Variants in NBEA observed in about 807,000 individuals in gnomAD.
The protein encoded by NBEA is neurobeachin.
A neutral mutation model predicts 343.4 loss-of-function variants in NBEA; 44 were observed. The observed-to-expected ratio is 0.13, with a 90% CI of 0.10 to 0.16. The LOEUF is 0.16. NBEA is among the 10% of genes least tolerant of loss of function. NBEA has a pLI of 1.00. For missense variants in NBEA, 2,555 were observed against 3,631.3 expected (o/e 0.70, Z 7.62); for synonymous variants, 1,175 against 1,238.7 (o/e 0.95, Z 1.08).
intron 44 of NBEA, among the ~76,000 whole-genome samples, chr13:35,566,472 G>A (rs1192320539): frequency 6.6e-6 from 1 of 152,194 alleles, no homozygotes; most frequent in East Asian, 1.9e-4. Context: ...GCCTCTGACT[G>A]GCAAGGCTCT....
intron 39 of NBEA, among the ~76,000 whole-genome samples, chr13:35,447,304 G>A (rs1462648928): frequency 6.6e-6 from 1 of 151,946 alleles, no homozygotes; most frequent in Non-Finnish European, 1.5e-5. Context: ...ATATCAATAA[G>A]AGTAACAATA....
intron 1 of NBEA, among the ~76,000 whole-genome samples, chr13:34,956,923 T>G (rs1165580657): frequency 6.6e-6 from 1 of 152,092 alleles, no homozygotes; most frequent in Non-Finnish European, 1.5e-5. Flanking sequence ...AGTGTTGGGC[T>G]TACAGGTGTG....
chr13:34,966,812 A>T lies in NBEA; in HGVS notation c.294+23698A>T, dbSNP rs180971881. ...GTTTCTGCTACTATACTGCATGTTC[A>T]TTTAGCACATTTATTAGTCAAAATG... On this transcript the variant is annotated intron_variant, in intron 1 of 58. Transcript: ENST00000379939. Among the ~76,000 whole-genome samples, 292 of 152,044 alleles carry T rather than the reference A, an allele frequency of 1.9e-3. No individual in the cohort carries two copies. The Middle Eastern group carries it at 0.02, about 11-fold the overall frequency.
intron 47 of NBEA, among the ~76,000 whole-genome samples, chr13:35,596,214 T>C (rs1041518803): frequency 1.3e-5 from 2 of 152,020 alleles, no homozygotes; most frequent in Non-Finnish European, 2.9e-5. Context: ...AAGATAAGAC[T>C]TTTGGGTAAT....
intron 39 of NBEA, among the ~76,000 whole-genome samples, chr13:35,441,782 A>G (rs1294456689): frequency 1.3e-5 from 2 of 151,672 alleles, no homozygotes; most frequent in African/African-American, 2.4e-5. Flanking sequence ...TTGAAAATAC[A>G]TGGAATGGAA....
intron 38 of NBEA, among the ~76,000 whole-genome samples, chr13:35,352,913 ATTGTTGTTG>A (rs908527596): frequency 1.3e-5 from 2 of 151,862 alleles, no homozygotes; most frequent in Non-Finnish European, 2.9e-5. Flanking sequence ...ACATACAATT[ATTGTTGTTG>A]TTGTTGTTGT....
At chr13:35,135,025 A>G (rs1009370643) in intron 17 of NBEA, among the ~76,000 whole-genome samples, 1 of 152,038 alleles carries the variant, frequency 6.6e-6, no homozygotes, top group Admixed American at 6.6e-5. Context: ...TCCCACATAT[A>G]CATAGTACTT....
intron 44 of NBEA, among the ~76,000 whole-genome samples, chr13:35,557,936 A>G (rs1487071005): frequency 6.6e-6 from 1 of 152,186 alleles, no homozygotes; most frequent in African/African-American, 2.4e-5. Flanking sequence ...AGAGAATTAT[A>G]TATAATATTG....
chr13:35,294,175 T>C (rs755681295), intron 35 of NBEA, among the ~76,000 whole-genome samples: 2 of 152,050 alleles, frequency 1.3e-5, no homozygotes, highest in Non-Finnish European at 2.9e-5. Flanking sequence ...AGTGACTTCA[T>C]TGATGTGATC....
At chr13:35,592,934 CAG>C (rs2081604219) in intron 46 of NBEA, 1 of 167,928 alleles carries the variant, frequency 6.0e-6, no homozygotes, top group African/African-American at 2.4e-5. Flanking sequence ...TGATCAGTAT[CAG>C]AGTGATTTTT....
At chr13:35,577,904 G>A (rs539908452) in intron 45 of NBEA, among the ~76,000 whole-genome samples, 9 of 152,108 alleles carry the variant, frequency 5.9e-5, no homozygotes, top group Admixed American at 2.6e-4. Context: ...AAGGGAGCCC[G>A]GGAATTTACT....
At chr13:35,076,892 T>C (rs1167028396) in intron 10 of NBEA, among the ~76,000 whole-genome samples, 1 of 152,108 alleles carries the variant, frequency 6.6e-6, no homozygotes, top group African/African-American at 2.4e-5. Context: ...ATTTTGATTT[T>C]ATGACAGTCG....
chr13:35,502,851 A>C lies in NBEA; in HGVS notation c.6585+30315A>C, dbSNP rs575934684. Among the ~76,000 whole-genome samples, 3 of 152,246 alleles carry C rather than the reference A, an allele frequency of 2.0e-5. No homozygotes were observed. The East Asian group carries it at 5.8e-4, about 30-fold the overall frequency. ...TAACACAGCTTCCCTCCATAGCTCC[A>C]AAGGAGCTATAAATGGAAACTAGAA... On this transcript the variant is annotated intron_variant, in intron 41 of 58. Coordinates refer to ENST00000379939, the MANE Select transcript of NBEA (RefSeq NM_001385012.1).
intron 41 of NBEA, chr13:35,475,196 G>A (rs1440966768): frequency 6.2e-7 from 1 of 1,613,896 alleles, no homozygotes; most frequent in Non-Finnish European, 8.5e-7. Context: ...TGGGGACACC[G>A]CCGGCACTGC....
intron 38 of NBEA, among the ~76,000 whole-genome samples, chr13:35,387,314 A>G (rs1336808925): frequency 3.3e-5 from 5 of 152,122 alleles, no homozygotes; most frequent in South Asian, 4.1e-4. Flanking sequence ...GTTAAGACAC[A>G]TGGTTCCAGA....
chr13:35,164,232 T>C (rs950486529), intron 23 of NBEA, 124 bp from the exon 24 acceptor site: 1 of 832,540 alleles, frequency 1.2e-6, no homozygotes, highest in African/African-American at 1.8e-5. Flanking sequence ...TGCTTTATTT[T>C]ATAATTTAAT....
intron 34 of NBEA, among the ~76,000 whole-genome samples, chr13:35,255,968 G>T (rs147565345): frequency 1.3e-5 from 2 of 152,180 alleles, no homozygotes; most frequent in African/African-American, 4.8e-5. Context: ...GCTCCTTTCC[G>T]CAGGCAGGTC....
intron 1 of NBEA, among the ~76,000 whole-genome samples, chr13:34,996,347 TGATA>T (rs2060940448): frequency 6.6e-6 from 1 of 152,134 alleles, no homozygotes; most frequent in African/African-American, 2.4e-5. Context: ...TTACATCCCA[TGATA>T]GATACTTGCC....
At chr13:35,235,320 A>G (rs1236118056) in intron 34 of NBEA, among the ~76,000 whole-genome samples, 2 of 152,236 alleles carry the variant, frequency 1.3e-5, no homozygotes, top group Non-Finnish European at 2.9e-5. Flanking sequence ...AGTAAACATC[A>G]TTGAAAAAAC....
Sources: gnomAD v4.1 joint callset for allele counts (sites outside exome capture counted in the v4.1 genomes callset) on GRCh38, gnomAD v4.1.1 for gene constraint, MANE v1.5 for transcripts, NCBI Gene and HGNC (gene_info 2026-07-23, HGNC 2026-07-21) for gene names.